MTHFS: variants seen among roughly 807,000 people sequenced by gnomAD.
MTHFS encodes methenyltetrahydrofolate synthetase, also known as 5-formyltetrahydrofolate cyclo-ligase.
MTHFS carries 7 observed loss-of-function variants against 12.7 expected under a neutral mutation model. The observed-to-expected ratio is 0.55, with a 90% CI of 0.31 to 1.03. The LOEUF (loss-of-function observed/expected upper bound fraction) is 1.03, where lower values mean the gene tolerates loss of function less well. MTHFS is among the 50% of genes least tolerant of loss of function. The pLI, the probability that MTHFS is intolerant of heterozygous loss-of-function variation, is 0.05. For missense variants in MTHFS, 252 were observed against 258.1 expected (o/e 0.98, Z 0.16); for synonymous variants, 100 against 97.1 (o/e 1.03, Z -0.18).
At position 79,872,103 on chromosome 15, in the gene MTHFS, C is replaced by CAAAAA. The variant is rs58835744; in HGVS notation, c.379+16985_379+16989dup. On this transcript the variant is annotated intron_variant, in intron 2 of 2. Coordinates refer to ENST00000258874, the MANE Select transcript of MTHFS (RefSeq NM_006441.4). The stretch of plus-strand genomic sequence containing the variant: ...CTGGCGACAGAGCAAGACTCCGTCT[C>CAAAAA]AAAAAAAAAAAAAAAAAAAAAAAAA... 1.3e-3 allele frequency among the ~76,000 whole-genome samples: 85 copies of CAAAAA among 66,766 alleles called. 3 individuals are homozygous for CAAAAA. Among genetic ancestry groups the CAAAAA allele is most frequent in the African/African-American group, 4.8e-3 (79 of 16,582 alleles). 43.8% of individuals were successfully genotyped at this position (66,766 alleles called of 152,430 possible).
At chr15:79,888,030 G>A (rs1002133428) in intron 2 of MTHFS, among the ~76,000 whole-genome samples, 1 of 152,058 alleles carries the variant, frequency 6.6e-6, no homozygotes, top group Admixed American at 6.5e-5. Flanking sequence ...GTTGTGCTAG[G>A]GCTTCTTTGC....
intron 2 of MTHFS, among the ~76,000 whole-genome samples, chr15:79,885,538 G>A (rs998836875): frequency 1.2e-4 from 19 of 152,186 alleles, no homozygotes; most frequent in Non-Finnish European, 5.9e-5. Context: ...CTGCCGAGCT[G>A]GGCATATGAC....
chr15:79,889,313 G>A lies in MTHFS; in HGVS notation c.159C>T (p.Ser53=), dbSNP rs2034433529. ...TTTCATCTTGCATGCTCAGAAAGAT[G>A]GAAATTCTTTTGGACTTTTGATACT... ...HSEYQKSKRI[S]IFLSMQDEIE... is the part of the protein sequence containing the mutation. Residue 53 remains serine, a synonymous_variant, in exon 2 of 3, where the codon TCC becomes TCT. Coordinates refer to ENST00000258874, the MANE Select transcript of MTHFS (RefSeq NM_006441.4). 3.7e-6 allele frequency: 6 copies of A among 1,614,086 alleles called. No individual in the cohort carries two copies. The South Asian group carries it at 6.6e-5, about 18-fold the overall frequency.
intron 2 of MTHFS, among the ~76,000 whole-genome samples, chr15:79,847,361 AAC>A (rs1048240147): frequency 1.3e-5 from 2 of 152,068 alleles, no homozygotes; most frequent in Admixed American, 1.3e-4. Flanking sequence ...AACAGCAAAA[AAC>A]CAAATAACCC....
intron 2 of MTHFS, among the ~76,000 whole-genome samples, chr15:79,852,391 G>A (rs2033731505): frequency 6.6e-6 from 1 of 152,166 alleles, no homozygotes; most frequent in Non-Finnish European, 1.5e-5. Flanking sequence ...TAAAAAACAT[G>A]GTTCCCTGCA....
At chr15:79,871,498 A>G (rs937513070) in intron 2 of MTHFS, among the ~76,000 whole-genome samples, 1 of 152,142 alleles carries the variant, frequency 6.6e-6, no homozygotes, top group African/African-American at 2.4e-5. Context: ...GGGATGCCCC[A>G]CAGAAAATTG....
chr15:79,896,779 G>T (rs1289478841), intron 1 of MTHFS, 93 bp downstream of exon 1: 1 of 1,428,418 alleles, frequency 7.0e-7, no homozygotes, highest in East Asian at 3.1e-5. Flanking sequence ...CTAGCCCAGC[G>T]CCAGCACGGA....
intron 1 of MTHFS, 110 bp from the exon 2 acceptor site, chr15:79,889,464 A>AG: frequency 1.5e-6 from 2 of 1,338,508 alleles, no homozygotes; most frequent in Non-Finnish European, 2.0e-6. Context: ...AATATTAAAA[A>AG]GAAAAAAAAA....
In MTHFS at chr15:79,844,517, A is replaced by G. The variant is rs921078176; in HGVS notation, c.*693T>C. ...CATCTGCCAACTTTCAACTCACAGC[A>G]AATTTCATTTCCAAAGCAGAAACCA... On this transcript the variant is annotated 3_prime_UTR_variant, in exon 3 of 3. Transcript: ENST00000258874. Among the ~76,000 whole-genome samples, 5 of 152,172 alleles carry G rather than the reference A, an allele frequency of 3.3e-5. No homozygotes were observed. The highest frequency in any genetic ancestry group is 7.4e-5 in the Non-Finnish European group (5 of 68,026).
At chr15:79,858,107 A>G (rs1216800324) in intron 2 of MTHFS, among the ~76,000 whole-genome samples, 2 of 152,102 alleles carry the variant, frequency 1.3e-5, no homozygotes, top group Non-Finnish European at 2.9e-5. Flanking sequence ...ATCAAAATTT[A>G]ATGGATTCAA....
chr15:79,864,770 G>A (rs1365378194), intron 2 of MTHFS, among the ~76,000 whole-genome samples: 1 of 151,930 alleles, frequency 6.6e-6, no homozygotes, highest in Non-Finnish European at 1.5e-5. Context: ...ACAAGTGAGT[G>A]AACAAATACA....
chr15:79,845,005 C>T lies in MTHFS; in HGVS notation c.*205G>A, dbSNP rs1018883929. The T allele has an allele frequency of 2.9e-6, 2 of 699,312 alleles. No homozygotes were observed. The highest frequency in any genetic ancestry group is 4.5e-6 in the Non-Finnish European group (2 of 442,478). 43.3% of individuals were successfully genotyped at this position (699,312 alleles called of 1,614,324 possible). ...GCTGAAAATCACAGGCTGATAGCCT[C>T]CATTTTAATTAATATTCTACTATTC... On this transcript the variant is annotated 3_prime_UTR_variant, in exon 3 of 3. Transcript: ENST00000258874.
intron 2 of MTHFS, among the ~76,000 whole-genome samples, chr15:79,868,894 G>A (rs750340389): frequency 2.0e-5 from 3 of 151,990 alleles, no homozygotes; most frequent in Non-Finnish European, 4.4e-5. Context: ...AAATATAGAT[G>A]TACACGCACA....
intron 1 of MTHFS, among the ~76,000 whole-genome samples, chr15:79,894,332 G>C (rs928657516): frequency 7.9e-5 from 12 of 152,220 alleles, no homozygotes; most frequent in African/African-American, 2.9e-4. Flanking sequence ...AGTGAGCCGA[G>C]ATCATGCCAC....
At chr15:79,866,621 A>T (rs573685814) in intron 2 of MTHFS, among the ~76,000 whole-genome samples, 36 of 152,312 alleles carry the variant, frequency 2.4e-4, no homozygotes, top group African/African-American at 8.4e-4. Context: ...CACGAGGGCA[A>T]ACACACGACC....
chr15:79,887,639 A>G (rs1379054496), intron 2 of MTHFS, among the ~76,000 whole-genome samples: 2 of 152,208 alleles, frequency 1.3e-5, no homozygotes, highest in Non-Finnish European at 2.9e-5. Flanking sequence ...AGTTTGAGCA[A>G]AGTCAGTAGC....
intron 2 of MTHFS, among the ~76,000 whole-genome samples, chr15:79,859,815 GT>G (rs2033878608): frequency 1.3e-5 from 1 of 74,670 alleles, no homozygotes; most frequent in Admixed American, 1.8e-4. Context: ...GAGAATACAT[GT>G]CAAAAAAAAA....
At chr15:79,852,676 C>A (rs1353942901) in intron 2 of MTHFS, among the ~76,000 whole-genome samples, 2 of 152,170 alleles carry the variant, frequency 1.3e-5, no homozygotes, top group Non-Finnish European at 2.9e-5. Flanking sequence ...AATACAGCGA[C>A]CATATTTGTC....
chr15:79,851,776 T>C (rs1308719714), intron 2 of MTHFS, among the ~76,000 whole-genome samples: 1 of 152,142 alleles, frequency 6.6e-6, no homozygotes, highest in Non-Finnish European at 1.5e-5. Context: ...AGATGGATAA[T>C]ATACATGGTT....
Sources: gnomAD v4.1 joint callset for allele counts (sites outside exome capture counted in the v4.1 genomes callset) on GRCh38, gnomAD v4.1.1 for gene constraint, MANE v1.5 for transcripts, NCBI Gene and HGNC (gene_info 2026-07-23, HGNC 2026-07-21) for gene names.